ATP11C: variants seen among roughly 807,000 people sequenced by gnomAD.
ATP11C encodes the protein ATPase phospholipid transporting 11C (ATP11C blood group), also known as phospholipid-transporting ATPase IG.
A neutral mutation model predicts 97.4 loss-of-function variants in ATP11C; 36 were observed. The observed-to-expected ratio is 0.37, with a 90% CI of 0.28 to 0.49. The LOEUF (loss-of-function observed/expected upper bound fraction) is 0.49. Ranked by LOEUF, ATP11C falls within the 20% of genes least tolerant of loss-of-function variation. ATP11C has a pLI of 0.98. For missense variants in ATP11C, 730 were observed against 824.6 expected, an observed-to-expected ratio of 0.89 and a Z score of 1.40; for synonymous variants, 275 against 290.9, an observed-to-expected ratio of 0.95 and a Z score of 0.56.
intron 1 of ATP11C, among the ~76,000 whole-genome samples, chrX:139,859,029 A>G (rs1180143730): frequency 8.9e-6 from 1 of 112,086 alleles, no homozygotes; most frequent in East Asian, 2.8e-4. Flanking sequence ...AGATAATTAC[A>G]TTTTTTTTAA....
intron 4 of ATP11C, among the ~76,000 whole-genome samples, chrX:139,815,796 CT>C (rs2083277060): frequency 9.0e-6 from 1 of 110,731 alleles, no homozygotes. Flanking sequence ...CCTCCCCCCA[CT>C]TTTTCCCCTC....
chrX:139,794,051 A>G (rs780501185), intron 12 of ATP11C, among the ~76,000 whole-genome samples: 1 of 112,178 alleles, frequency 8.9e-6, no homozygotes, highest in East Asian at 2.8e-4. Flanking sequence ...GGCGACACAA[A>G]GAAGAGTAGC....
intron 19 of ATP11C, among the ~76,000 whole-genome samples, chrX:139,769,324 A>G (rs1603353504): frequency 1.4e-5 from 1 of 70,937 alleles, no homozygotes; most frequent in East Asian, 4.5e-4. Flanking sequence ...ATATATATAT[A>G]TATTCTTTAA....
intron 1 of ATP11C, among the ~76,000 whole-genome samples, chrX:139,854,289 C>T (rs1426376332): frequency 1.8e-5 from 2 of 112,284 alleles, no homozygotes; most frequent in Non-Finnish European, 3.8e-5. Flanking sequence ...TAATTGAAAT[C>T]CCAAACTTAC....
rs1473724434 is a variant in ATP11C, at chrX:139,932,122, G to T, written c.-80C>A. ...CGCCGTCCACAAAACACACTGCGGC[G>T]TGGGCCGGCGGCGCCAAGCGGAGCA... On this transcript the variant is annotated 5_prime_UTR_variant, in exon 1 of 30. Coordinates refer to ENST00000682941, the MANE Select transcript of ATP11C (RefSeq NM_001353812.2). 45 of 971,082 alleles carry T rather than the reference G, an allele frequency of 4.6e-5. No homozygotes were observed. The highest frequency in any genetic ancestry group is 5.6e-5 in the Non-Finnish European group (42 of 751,636). 80.0% of individuals were successfully genotyped at this position (971,082 alleles called of 1,213,427 possible).
At chrX:139,792,020 CTA>C (rs2082700310) in intron 12 of ATP11C, among the ~76,000 whole-genome samples, 1 of 110,716 alleles carries the variant, frequency 9.0e-6, no homozygotes, top group Non-Finnish European at 1.9e-5. Context: ...TTCGGGGCCC[CTA>C]GATAGCTTCA....
chrX:139,918,884 T>C (rs765112095), intron 1 of ATP11C, among the ~76,000 whole-genome samples: 30 of 110,840 alleles, frequency 2.7e-4, no homozygotes, highest in Non-Finnish European at 4.3e-4. Context: ...GTGAATACAA[T>C]TTGCACTACT....
chrX:139,907,616 T>C (rs770177430), intron 1 of ATP11C, among the ~76,000 whole-genome samples: 1 of 109,539 alleles, frequency 9.1e-6, no homozygotes, highest in Non-Finnish European at 1.9e-5. Context: ...GGCATGGTGG[T>C]GGGTGCCTGT....
chrX:139,742,876 AATATATATATATATAT>A (rs869303916), intron 26 of ATP11C, among the ~76,000 whole-genome samples: 9,063 of 25,992 alleles, frequency 0.35, 492 homozygotes, highest in East Asian at 0.51. Context: ...AAAAAAAAAA[AATATATATATATATAT>A]ATATATATAT....
At chrX:139,734,779 T>C (rs2148612410) in intron 28 of ATP11C, among the ~76,000 whole-genome samples, 1 of 111,209 alleles carries the variant, frequency 9.0e-6, no homozygotes, top group Admixed American at 9.6e-5. Context: ...TAACGGAACT[T>C]TGGGGAAAAA....
intron 1 of ATP11C, among the ~76,000 whole-genome samples, chrX:139,893,802 C>T (rs756708075): frequency 1.8e-5 from 2 of 111,003 alleles, no homozygotes; most frequent in Non-Finnish European, 3.8e-5. Context: ...ACCCAGATGC[C>T]TATGTTCCTT....
chrX:139,852,131 CA>C (rs747366469), intron 1 of ATP11C, among the ~76,000 whole-genome samples: 2 of 100,453 alleles, frequency 2.0e-5, no homozygotes, highest in Non-Finnish European at 4.0e-5. Context: ...TGTTATCATG[CA>C]AAAAAAAAGA....
intron 1 of ATP11C, among the ~76,000 whole-genome samples, chrX:139,902,167 C>G (rs2084909157): frequency 9.0e-6 from 1 of 111,074 alleles, no homozygotes. Flanking sequence ...TGTCTCTTAT[C>G]TACCTATGAC....
intron 28 of ATP11C, among the ~76,000 whole-genome samples, chrX:139,734,565 T>C (rs1227750771): frequency 1.8e-5 from 2 of 111,675 alleles, no homozygotes; most frequent in African/African-American, 3.2e-5. Context: ...ATATATTTCA[T>C]TGATTTACAG....
At chrX:139,830,758 G>A (rs1603393738) in intron 1 of ATP11C, among the ~76,000 whole-genome samples, 1 of 111,613 alleles carries the variant, frequency 9.0e-6, no homozygotes, top group Admixed American at 9.5e-5. Flanking sequence ...CCACTCTCCA[G>A]CCCAAAGCTA....
chrX:139,934,635 C>T (rs1379826847), upstream of ATP11C, among the ~76,000 whole-genome samples: 7 of 105,342 alleles, frequency 6.6e-5, no homozygotes, highest in Non-Finnish European at 1.4e-4. Context: ...TCACTGCAGC[C>T]TCTGCCTCCT....
chrX:139,927,400 G>A (rs184581661), intron 1 of ATP11C, among the ~76,000 whole-genome samples: 1,231 of 111,461 alleles, frequency 0.011, 18 homozygotes, highest in African/African-American at 0.038. Flanking sequence ...TCAAGAGCTC[G>A]AGACTAGCCT....
intron 5 of ATP11C, among the ~76,000 whole-genome samples, chrX:139,805,727 CACTG>C (rs1250515213): frequency 8.9e-6 from 1 of 111,994 alleles, no homozygotes; most frequent in African/African-American, 3.2e-5. Context: ...GACCTAGACA[CACTG>C]ACTGTGAAAT....
At chrX:139,896,756 G>A (rs2148089613) in intron 1 of ATP11C, among the ~76,000 whole-genome samples, 1 of 108,835 alleles carries the variant, frequency 9.2e-6, no homozygotes, top group East Asian at 2.9e-4. Flanking sequence ...TCCCAAGCAT[G>A]CCACCACACC....
Sources: allele counts gnomAD v4.1 joint callset (sites outside exome capture counted in the v4.1 genomes callset), GRCh38; gene constraint gnomAD v4.1.1; transcripts MANE v1.5; gene names NCBI Gene and HGNC (gene_info 2026-07-23, HGNC 2026-07-21).